The following RBFOX1 variants were observed in gnomAD, a reference collection of about 807,000 sequenced individuals.
RBFOX1 encodes the protein RNA binding fox-1 homolog 1, also known as RNA binding protein fox-1 homolog 1.
Under a neutral mutation model 57.7 loss-of-function variants are expected in RBFOX1, and 8 were observed. That is an observed-to-expected ratio of 0.14 (90% CI 0.08 to 0.25). The LOEUF is 0.25. Ranked by LOEUF, RBFOX1 falls within the 10% of genes least tolerant of loss-of-function variation. The pLI is 1.00. For missense variants in RBFOX1, 611 were observed against 548.5 expected (o/e 1.11, Z -1.14); for synonymous variants, 326 against 222.4 (o/e 1.47, Z -4.15).
chr16:7,479,704 G>A (rs1172520228), intron 4 of RBFOX1, among the ~76,000 whole-genome samples: 1 of 152,160 alleles, frequency 6.6e-6, no homozygotes, highest in East Asian at 1.9e-4. Flanking sequence ...GAGGGGAAGT[G>A]GGGCACCTGG....
At chr16:7,526,681 A>G (rs1012047368) in intron 5 of RBFOX1, among the ~76,000 whole-genome samples, 1 of 152,236 alleles carries the variant, frequency 6.6e-6, no homozygotes, top group Non-Finnish European at 1.5e-5. Context: ...ATCAGGAAAA[A>G]GTCTCAAAAA....
At chr16:7,590,779 A>G (rs912170829) in intron 7 of RBFOX1, among the ~76,000 whole-genome samples, 42 of 150,796 alleles carry the variant, frequency 2.8e-4, no homozygotes, top group African/African-American at 9.8e-4. Flanking sequence ...GAATCACTTG[A>G]ACCCGGGGGG....
chr16:7,068,609 A>G (rs950615402), intron 4 of RBFOX1, among the ~76,000 whole-genome samples: 2 of 152,196 alleles, frequency 1.3e-5, no homozygotes, highest in African/African-American at 4.8e-5. Flanking sequence ...ATTTTGAGAC[A>G]GAGTTTCACT....
At chr16:6,197,707 A>C (rs1360649746) in intron 1 of RBFOX1, among the ~76,000 whole-genome samples, 3 of 151,340 alleles carry the variant, frequency 2.0e-5, no homozygotes, top group African/African-American at 4.9e-5. Flanking sequence ...AAGTCATGTC[A>C]TGGGGATTCG....
chr16:5,316,499 C>A (rs927881100), intron 1 of RBFOX1, among the ~76,000 whole-genome samples: 1 of 152,194 alleles, frequency 6.6e-6, no homozygotes, highest in Non-Finnish European at 1.5e-5. Context: ...AACACCCCCT[C>A]CACAACGATA....
chr16:6,336,172 TATATATATA>T (rs1266956721), intron 2 of RBFOX1, among the ~76,000 whole-genome samples: 18 of 28,184 alleles, frequency 6.4e-4, no homozygotes, highest in Non-Finnish European at 9.8e-4. Context: ...TATATATATA[TATATATATA>T]TTTTTTTTTT....
chr16:6,881,587 G>T (rs1030486109), intron 3 of RBFOX1, among the ~76,000 whole-genome samples: 6 of 152,252 alleles, frequency 3.9e-5, no homozygotes, highest in Admixed American at 3.9e-4. Flanking sequence ...CAGTCATACT[G>T]GCTTACAGCC....
chr16:6,815,369 C>G (rs1268534162), intron 3 of RBFOX1, among the ~76,000 whole-genome samples: 1 of 152,154 alleles, frequency 6.6e-6, no homozygotes, highest in Non-Finnish European at 1.5e-5. Flanking sequence ...ATTGCCTAAC[C>G]TTCTGGGAAT....
chr16:5,610,409 G>A (rs1193031820), intron 3 of RBFOX1: 5 of 152,244 alleles, frequency 3.3e-5, no homozygotes, highest in Non-Finnish European at 5.9e-5. Flanking sequence ...GTGAGGCAAG[G>A]GAACTTCCCA....
intron 3 of RBFOX1, among the ~76,000 whole-genome samples, chr16:6,744,398 T>C (rs942377604): frequency 1.6e-4 from 25 of 152,090 alleles, no homozygotes; most frequent in African/African-American, 6.0e-4. Flanking sequence ...AGGATACATA[T>C]TGTTTTCAAG....
chr16:5,999,893 A>T lies in RBFOX1; in HGVS notation c.351+132558A>T, dbSNP rs1205907664. ...AAAAAAAAAAAAAAAAAAAAAAAAA[A>T]AAAAAAAAAAAAAAGAGTGAAGAAG... On this transcript the variant is annotated intron_variant, in intron 4 of 19. Transcript: ENST00000641259. Among the ~76,000 whole-genome samples the T allele has an allele frequency of 6.2e-5, 5 of 80,818 alleles. 1 individual carries two copies. The East Asian group carries it at 1.6e-3, about 26-fold the overall frequency. The allele number at this position is 80,818 out of a possible 152,430, so 53.0% of individuals were successfully genotyped here. A position where few individuals can be genotyped will look rare whatever the true frequency, so the allele number is the denominator to read the frequency against.
intron 3 of RBFOX1, among the ~76,000 whole-genome samples, chr16:6,988,465 G>A (rs761687581): frequency 2.6e-5 from 4 of 152,058 alleles, no homozygotes; most frequent in Admixed American, 6.5e-5. Context: ...TTAAAAAGTC[G>A]ATTGCCTGTT....
At chr16:6,859,298 A>T (rs560266305) in intron 3 of RBFOX1, among the ~76,000 whole-genome samples, 1 of 150,296 alleles carries the variant, frequency 6.7e-6, no homozygotes, top group East Asian at 2.0e-4. Flanking sequence ...TTCCCATCTC[A>T]TTCGTTGATA....
At chr16:7,611,443 G>A (rs2057443865) in intron 10 of RBFOX1, among the ~76,000 whole-genome samples, 1 of 152,160 alleles carries the variant, frequency 6.6e-6, no homozygotes, top group Non-Finnish European at 1.5e-5. Flanking sequence ...GCTGGGCATA[G>A]TGGTGTGCCC....
chr16:6,836,292 A>G (rs1165664951), intron 3 of RBFOX1, among the ~76,000 whole-genome samples: 1 of 152,218 alleles, frequency 6.6e-6, no homozygotes, highest in Non-Finnish European at 1.5e-5. Context: ...TGAGATAGTT[A>G]AGGATTTTCA....
At chr16:5,722,497 G>A (rs889044008) in intron 3 of RBFOX1, among the ~76,000 whole-genome samples, 3 of 152,140 alleles carry the variant, frequency 2.0e-5, no homozygotes, top group Non-Finnish European at 4.4e-5. Context: ...ATCTATCCCC[G>A]TGTCCAGGTG....
chr16:6,345,255 A>G (rs1254086036), intron 2 of RBFOX1, among the ~76,000 whole-genome samples: 1 of 152,160 alleles, frequency 6.6e-6, no homozygotes, highest in African/African-American at 2.4e-5. Context: ...GGTGTGTTAA[A>G]CAGTAACTTT....
At chr16:5,751,785 A>G (rs191845536) in intron 3 of RBFOX1, among the ~76,000 whole-genome samples, 19 of 152,382 alleles carry the variant, frequency 1.2e-4, no homozygotes, top group Admixed American at 2.6e-4. Context: ...AACCTCAACT[A>G]TATTAAACCC....
intron 4 of RBFOX1, among the ~76,000 whole-genome samples, chr16:7,165,539 C>G (rs899004282): frequency 1.3e-5 from 2 of 151,934 alleles, no homozygotes; most frequent in Non-Finnish European, 2.9e-5. Context: ...AAGCCATTCA[C>G]CTGCCTCAGC....
Sources: gnomAD v4.1 joint callset for allele counts (sites outside exome capture counted in the v4.1 genomes callset) on GRCh38, gnomAD v4.1.1 for gene constraint, MANE v1.5 for transcripts, NCBI Gene and HGNC (gene_info 2026-07-23, HGNC 2026-07-21) for gene names.